The following ELFN1 variants were observed in gnomAD, a reference collection of about 807,000 sequenced individuals.
The protein encoded by ELFN1 is protein ELFN1.
ELFN1 carries 6 observed loss-of-function variants against 7.6 expected under a neutral mutation model. The observed-to-expected ratio is 0.79, with a 90% CI of 0.43 to 1.56. ELFN1 has a LOEUF of 1.56. Among genes scored for constraint, ELFN1 ranks in the 40% most tolerant of loss-of-function variants. The pLI, the probability that ELFN1 is intolerant of heterozygous loss-of-function variation, is 0.01. For synonymous variants in ELFN1, 657 were observed against 588.1 expected, an observed-to-expected ratio of 1.12 and a Z score of -1.70; for missense variants, 1,169 against 1,232.2, an observed-to-expected ratio of 0.95 and a Z score of 0.77.
chr7:1,720,825 T>C (rs1562376967), intron 3 of ELFN1, among the ~76,000 whole-genome samples: 1 of 151,062 alleles, frequency 6.6e-6, no homozygotes, highest in Non-Finnish European at 1.5e-5. Context: ...TATTATCGTC[T>C]GAAGTAACGA....
intron 2 of ELFN1, among the ~76,000 whole-genome samples, chr7:1,690,245 G>A (rs1779131869): frequency 2.6e-5 from 4 of 151,832 alleles, no homozygotes; most frequent in Admixed American, 2.0e-4. Context: ...GAAGAAAGAT[G>A]AGTGGGTGGA....
chr7:1,729,296 C>T (rs1159086580), intron 3 of ELFN1, among the ~76,000 whole-genome samples: 1 of 152,214 alleles, frequency 6.6e-6, no homozygotes, highest in Non-Finnish European at 1.5e-5. Flanking sequence ...CTCCACTGTC[C>T]CACAAAGTCC....
chr7:1,676,983 C>A, intron 1 of ELFN1, among the ~76,000 whole-genome samples: 1 of 152,316 alleles, frequency 6.6e-6, no homozygotes, highest in East Asian at 1.9e-4. Context: ...ACCCAGGGGA[C>A]TGCCGACGTC....
At chr7:1,718,077 A>C (rs191561998) in intron 3 of ELFN1, among the ~76,000 whole-genome samples, 3 of 152,150 alleles carry the variant, frequency 2.0e-5, no homozygotes, top group Non-Finnish European at 4.4e-5. Context: ...TGCAGTTTCC[A>C]TGTCTGGAAC....
At chr7:1,704,383 A>T (rs574551850) in intron 2 of ELFN1, among the ~76,000 whole-genome samples, 1 of 152,236 alleles carries the variant, frequency 6.6e-6, no homozygotes, top group African/African-American at 2.4e-5. Context: ...TTGTCTGGAG[A>T]ACCTACAATA....
At chr7:1,728,321 A>G (rs545775982) in intron 3 of ELFN1, among the ~76,000 whole-genome samples, 117 of 152,356 alleles carry the variant, frequency 7.7e-4, no homozygotes, top group African/African-American at 2.7e-3. Context: ...CTGACTAACA[A>G]GGGGCAGCCT....
intron 3 of ELFN1, among the ~76,000 whole-genome samples, chr7:1,727,428 A>G (rs1232501264): frequency 6.6e-6 from 1 of 152,170 alleles, no homozygotes; most frequent in Non-Finnish European, 1.5e-5. Flanking sequence ...TCTCTTTTCC[A>G]TGAGAGGGGC....
At chr7:1,689,957 G>A (rs1424420141) in intron 2 of ELFN1, among the ~76,000 whole-genome samples, 1 of 152,220 alleles carries the variant, frequency 6.6e-6, no homozygotes, top group Non-Finnish European at 1.5e-5. Flanking sequence ...CTGGCATCTG[G>A]AGAGGGCATT....
In ELFN1 at chr7:1,744,413, C is replaced by G. The variant is rs576445631; in HGVS notation, c.-184C>G. On this transcript the variant is annotated 5_prime_UTR_variant, in exon 4 of 4. Transcript: ENST00000424383. ...GGGGCGGAAGACGAGAGGCGGCCGG[C>G]CGTGAGGGAGGCGCCCTCCCTCCCC... The G allele has an allele frequency of 2.3e-4, 145 of 638,110 alleles. No homozygotes were observed. In the African/African-American group the frequency reaches 2.5e-3, roughly 11 times the overall value. 39.5% of individuals were successfully genotyped at this position (638,110 alleles called of 1,614,324 possible).
intron 2 of ELFN1, among the ~76,000 whole-genome samples, chr7:1,701,170 ATGTG>A (rs1372579936): frequency 3.3e-5 from 5 of 150,552 alleles, no homozygotes; most frequent in South Asian, 2.1e-4. Context: ...GTGTGTATGC[ATGTG>A]TGTATGTGTG....
At position 1,746,237 on chromosome 7, in the gene ELFN1, C is replaced by A. The variant is rs1432436136; in HGVS notation, c.1641C>A (p.Asp547Glu). ...RDCELGRPGP[D>E]SQSSVAEIST... The stretch of plus-strand genomic sequence containing the variant: ...GTGAGCTGGGCCGGCCGGGCCCCGA[C>A]AGCCAGAGTTCGGTGGCCGAGATCT... Residue 547 changes from aspartate (D) to glutamate (E), a missense_variant, in exon 4 of 4, where the codon GAC becomes GAA. Asp to Glu is a conservative substitution (Grantham distance 45). Transcript: ENST00000424383. 2.1e-6 allele frequency: 3 copies of A among 1,450,268 alleles called. No individual in the cohort carries two copies. The African/African-American group carries it at 4.9e-5, about 24-fold the overall frequency. 89.8% of individuals were successfully genotyped at this position (1,450,268 alleles called of 1,614,324 possible).
intron 2 of ELFN1, among the ~76,000 whole-genome samples, chr7:1,697,456 G>C (rs116255889): frequency 0.024 from 3,682 of 152,334 alleles, 145 homozygotes; most frequent in African/African-American, 0.083. Context: ...GAGCACCGCT[G>C]GGTTGACCCT....
Position 1,744,763 on chromosome 7 carries a change from A to G in ELFN1, c.167A>G (p.Gln56Arg). 1 of 1,554,718 alleles carries G rather than the reference A, an allele frequency of 6.4e-7. No individual in the cohort carries two copies. The highest frequency in any genetic ancestry group is 1.2e-5 in the South Asian group (1 of 84,220). The change falls in exon 4 of 4, where the codon CAG (glutamine) becomes CGG (arginine). Residue 56 changes from glutamine to arginine, a missense_variant. By Grantham distance (43) the Gln-to-Arg change is conservative. Coordinates refer to ENST00000424383, the MANE Select transcript of ELFN1 (RefSeq NM_001128636.4). ...QNQPPYEAIPQQINSTIVDLR... is the reference protein window; with the variant it reads ...QNQPPYEAIPRQINSTIVDLR... ...CAACCCCCCTACGAGGCCATCCCAC[A>G]GCAGATCAACAGCACCATCGTGGAC...
Position 1,740,331 on chromosome 7 carries a change from G to A in ELFN1, c.-293-3973G>A, listed in dbSNP as rs1195453838. ...CATACGAGCCTCTGGGTCTGAGGCA[G>A]CAAGTGTGCTGAGGAGGGGACCAGG... On this transcript the variant is annotated intron_variant, in intron 3 of 3. Transcript: ENST00000424383. The surrounding 1 kb of genome is among the most constrained non-coding windows in gnomAD (Gnocchi z 5.0). 6.6e-6 allele frequency among the ~76,000 whole-genome samples: 1 copy of A among 152,242 alleles called. No homozygotes were observed. Among genetic ancestry groups the A allele is most frequent in the Non-Finnish European group, 1.5e-5 (1 of 68,032 alleles).
intron 1 of ELFN1, among the ~76,000 whole-genome samples, chr7:1,678,371 A>C (rs1778911712): frequency 1.3e-5 from 2 of 152,010 alleles, no homozygotes; most frequent in Admixed American, 1.3e-4. Flanking sequence ...CTCCCGCCCC[A>C]CCCTGCGGCC....
intron 1 of ELFN1, among the ~76,000 whole-genome samples, chr7:1,686,156 G>A (rs1779058627): frequency 6.6e-6 from 1 of 151,584 alleles, no homozygotes; most frequent in Non-Finnish European, 1.5e-5. Context: ...TATTGCAGCA[G>A]TTCTGGATGC....
upstream of ELFN1, among the ~76,000 whole-genome samples, chr7:1,670,040 C>T (rs1246077669): frequency 1.3e-5 from 2 of 150,384 alleles, no homozygotes; most frequent in African/African-American, 2.5e-5. This position sits in a 1 kb window ranked among gnomAD's most constrained non-coding sequence, Gnocchi z 6.4. Flanking sequence ...GCAGGGGGCT[C>T]GGGAGGCCAG....
Position 1,670,894 on chromosome 7 carries a change from A to C in ELFN1, c.-549+540A>C, listed in dbSNP as rs894837775. Among the ~76,000 whole-genome samples the C allele has an allele frequency of 1.4e-5, 2 of 142,366 alleles. No homozygotes were observed. Among genetic ancestry groups the C allele is most frequent in the African/African-American group, 5.0e-5 (2 of 39,840 alleles). The allele number at this position is 142,366 out of a possible 152,430, so 93.4% of individuals were successfully genotyped here. On this transcript the variant is annotated intron_variant, in intron 1 of 3. Transcript: ENST00000424383. This position sits in a 1 kb window ranked among gnomAD's most constrained non-coding sequence, Gnocchi z 6.4. ...CCAGTCACGCACGGGGAGGGGTCAC[A>C]TTCCTCGGTCCCAGCCCCTGAGTCC...
rs561165764 is a variant in ELFN1, at chr7:1,670,831, C to T, written c.-549+477C>T. Among the ~76,000 whole-genome samples, 2 of 152,186 alleles carry T rather than the reference C, an allele frequency of 1.3e-5. No individual in the cohort carries two copies. Among genetic ancestry groups the T allele is most frequent in the Admixed American group, 1.3e-4 (2 of 15,288 alleles). On this transcript the variant is annotated intron_variant, in intron 1 of 3. Coordinates refer to ENST00000424383, the MANE Select transcript of ELFN1 (RefSeq NM_001128636.4). This position sits in a 1 kb window ranked among gnomAD's most constrained non-coding sequence, Gnocchi z 6.4. ...CCCTCCCTGCTGGGCCGCCCTCCCC[C>T]CGACGCTGCGAGCCTCCTCGCTCCG...
Sources: gnomAD v4.1 joint callset for allele counts (sites outside exome capture counted in the v4.1 genomes callset) on GRCh38, gnomAD v4.1.1 for gene constraint, Gnocchi (gnomAD v3.1) non-coding constraint, MANE v1.5 for transcripts, NCBI Gene and HGNC (gene_info 2026-07-23, HGNC 2026-07-21) for gene names.